Variants in EPHB2 observed in about 807,000 individuals in gnomAD.
EPHB2 encodes ephrin type-B receptor 2.
In EPHB2, 18 loss-of-function variants were observed where a neutral mutation model predicts 96.4. That is an observed-to-expected ratio of 0.19 (90% CI 0.13 to 0.28). The LOEUF is 0.28. Among genes scored for constraint, EPHB2 ranks in the 10% least tolerant of loss-of-function variants. EPHB2 has a pLI of 1.00. For missense variants in EPHB2, 989 were observed against 1,355.4 expected (o/e 0.73, Z 4.25); for synonymous variants, 506 against 534.1 (o/e 0.95, Z 0.72).
At chr1:22,773,870 G>C (rs945188608) in intron 1 of EPHB2, among the ~76,000 whole-genome samples, 1 of 152,174 alleles carries the variant, frequency 6.6e-6, no homozygotes, top group Non-Finnish European at 1.5e-5. Flanking sequence ...AGGCAGACCC[G>C]GCTCCATCGC....
At chr1:22,753,867 T>C (rs961272621) in intron 1 of EPHB2, among the ~76,000 whole-genome samples, 1 of 152,130 alleles carries the variant, frequency 6.6e-6, no homozygotes, top group African/African-American at 2.4e-5. Context: ...CGTAATGAGC[T>C]CCAGATGTGG....
At chr1:22,775,393 A>G in intron 1 of EPHB2, 2 of 678,586 alleles carry the variant, frequency 2.9e-6, no homozygotes, top group Non-Finnish European at 5.4e-6. Context: ...TTTCTTCTTC[A>G]TGACTTTGGA....
intron 1 of EPHB2, among the ~76,000 whole-genome samples, 174 bp downstream of exon 1, chr1:22,711,217 G>A (rs1215919334): frequency 3.4e-5 from 5 of 146,928 alleles, no homozygotes; most frequent in African/African-American, 7.3e-5. Flanking sequence ...GGCCCCGCGG[G>A]CGCCCGGGGA....
intron 8 of EPHB2, 75 bp from the exon 9 acceptor site, chr1:22,896,339 C>G: frequency 6.2e-7 from 1 of 1,601,724 alleles, no homozygotes; most frequent in Non-Finnish European, 8.5e-7. Flanking sequence ...CCCACCCTCT[C>G]CCTATCACCT....
intron 1 of EPHB2, among the ~76,000 whole-genome samples, chr1:22,778,813 G>C (rs1459624122): frequency 6.6e-6 from 1 of 152,208 alleles, no homozygotes; most frequent in Non-Finnish European, 1.5e-5. Context: ...CAGAGTATGA[G>C]CACCAACTTT....
rs55650452 is a variant in EPHB2 at position 22,791,471 on chromosome 1, CTTTTTTT to C, written c.811+6408_811+6414del. ...TCTTTCTTTCTTTCTTTCTTTCTTT[CTTTTTTT>C]TTTTTTTTTTTTCCTTTCAGAGAGA... On this transcript the variant is annotated intron_variant, in intron 3 of 15. Coordinates refer to ENST00000374630, the MANE Select transcript of EPHB2 (RefSeq NM_017449.5). Among the ~76,000 whole-genome samples, 10 of 92,878 alleles carry C rather than the reference CTTTTTTT, an allele frequency of 1.1e-4. No individual in the cohort carries two copies. The East Asian group carries it at 3.7e-3, about 35-fold the overall frequency. The allele number at this position is 92,878 out of a possible 152,430, so 60.9% of individuals were successfully genotyped here.
chr1:22,793,907 T>C (rs1644731903), intron 3 of EPHB2, among the ~76,000 whole-genome samples: 1 of 152,148 alleles, frequency 6.6e-6, no homozygotes, highest in Non-Finnish European at 1.5e-5. Flanking sequence ...CTGGGACAAC[T>C]TATTAACCTG....
At chr1:22,735,438 CAA>C (rs71878649) in intron 1 of EPHB2, among the ~76,000 whole-genome samples, 13 of 138,060 alleles carry the variant, frequency 9.4e-5, no homozygotes, top group Non-Finnish European at 1.1e-4. Context: ...GACCCGGTAT[CAA>C]AAAAAAAAAA....
intron 3 of EPHB2, among the ~76,000 whole-genome samples, chr1:22,828,178 G>A (rs900301854): frequency 6.6e-6 from 1 of 152,220 alleles, no homozygotes; most frequent in Non-Finnish European, 1.5e-5. Flanking sequence ...CCAGGCTCAT[G>A]GCTGTTTTAG....
chr1:22,768,044 G>A (rs978592114), intron 1 of EPHB2, among the ~76,000 whole-genome samples: 1 of 152,208 alleles, frequency 6.6e-6, no homozygotes, highest in Non-Finnish European at 1.5e-5. Flanking sequence ...GCACCCTGGG[G>A]TGTTCTGTCA....
chr1:22,828,796 A>G (rs1645261094), intron 3 of EPHB2, among the ~76,000 whole-genome samples: 1 of 152,264 alleles, frequency 6.6e-6, no homozygotes, highest in Admixed American at 6.5e-5. Context: ...AGAGAGGCCA[A>G]GAGGCAGGAG....
chr1:22,783,382 G>A (rs1644562213), intron 2 of EPHB2, among the ~76,000 whole-genome samples: 2 of 152,210 alleles, frequency 1.3e-5, no homozygotes, highest in South Asian at 4.1e-4. Flanking sequence ...AACACCAAAG[G>A]GGGCACGGGA....
chr1:22,831,951 C>T (rs1231588497), intron 3 of EPHB2, among the ~76,000 whole-genome samples: 2 of 152,190 alleles, frequency 1.3e-5, no homozygotes, highest in African/African-American at 4.8e-5. Flanking sequence ...CATAAACCTG[C>T]AAAGGGAGCC....
chr1:22,803,842 G>A (rs1179781012), intron 3 of EPHB2, among the ~76,000 whole-genome samples: 2 of 151,084 alleles, frequency 1.3e-5, no homozygotes, highest in Non-Finnish European at 2.9e-5. Context: ...TGAGCCTAGG[G>A]GTTCTAGGCT....
chr1:22,756,269 G>A (rs905311125), intron 1 of EPHB2, among the ~76,000 whole-genome samples: 5 of 152,296 alleles, frequency 3.3e-5, no homozygotes, highest in African/African-American at 1.2e-4. Flanking sequence ...TTCGGGGAAG[G>A]TCTGTGTGGC....
intron 1 of EPHB2, among the ~76,000 whole-genome samples, chr1:22,767,752 C>T (rs922793550): frequency 2.6e-5 from 4 of 152,200 alleles, no homozygotes; most frequent in African/African-American, 4.8e-5. Flanking sequence ...GATTTCGAGC[C>T]CTGCTCCATG....
chr1:22,837,053 G>A lies in EPHB2; in HGVS notation c.812-25984G>A, dbSNP rs1163654465. ...GAGAGGCCCTACACGGCGGGGGAGG[G>A]GGGCCTGAACTGGATTTGAGTGTGC... On this transcript the variant is annotated intron_variant, in intron 3 of 15. Coordinates refer to ENST00000374630, the MANE Select transcript of EPHB2 (RefSeq NM_017449.5). Among the ~76,000 whole-genome samples, 3 of 152,224 alleles carry A rather than the reference G, an allele frequency of 2.0e-5. No homozygotes were observed. In the East Asian group the frequency reaches 5.8e-4, roughly 29 times the overall value.
intron 6 of EPHB2, chr1:22,891,311 T>C (rs2765854): frequency 0.041 from 16,992 of 416,918 alleles, 2,310 homozygotes; most frequent in African/African-American, 0.3. Context: ...AAGGGCTCCG[T>C]GCACTCTGTG....
chr1:22,904,649 C>A (rs1189590043), intron 9 of EPHB2, among the ~76,000 whole-genome samples: 2 of 152,174 alleles, frequency 1.3e-5, no homozygotes, highest in Non-Finnish European at 2.9e-5. Flanking sequence ...ATATTTTAGG[C>A]CTTATGGGTC....
Sources: gnomAD v4.1 joint callset for allele counts (sites outside exome capture counted in the v4.1 genomes callset) on GRCh38, gnomAD v4.1.1 for gene constraint, MANE v1.5 for transcripts, NCBI Gene and HGNC (gene_info 2026-07-23, HGNC 2026-07-21) for gene names.